GABRR1: variants seen among roughly 807,000 people sequenced by gnomAD.
The protein encoded by GABRR1 is gamma-aminobutyric acid receptor subunit rho-1.
Under a neutral mutation model 55.5 loss-of-function variants are expected in GABRR1, and 59 were observed. That is an observed-to-expected ratio of 1.06 (90% CI 0.86 to 1.32). The LOEUF is 1.32. Among genes scored for constraint, GABRR1 ranks in the 40% most tolerant of loss-of-function variants. GABRR1 has a pLI of 0.00. For missense variants in GABRR1, 602 were observed against 619.1 expected (o/e 0.97, Z 0.29); for synonymous variants, 213 against 226.0 (o/e 0.94, Z 0.51).
intron 5 of GABRR1, among the ~76,000 whole-genome samples, chr6:89,194,551 G>A (rs1772202549): frequency 1.3e-5 from 2 of 152,154 alleles, no homozygotes; most frequent in African/African-American, 2.4e-5. Context: ...ATCCTAACAA[G>A]ACCATGATTT....
chr6:89,221,561 T>A (rs899627960), upstream of GABRR1: 2 of 152,220 alleles, frequency 1.3e-5, no homozygotes, highest in Admixed American at 1.3e-4. Context: ...ATTTAAAGTA[T>A]ACAGGAGAAT....
intron 5 of GABRR1, among the ~76,000 whole-genome samples, chr6:89,191,438 C>T (rs540414798): frequency 6.6e-6 from 1 of 152,302 alleles, no homozygotes; most frequent in African/African-American, 2.4e-5. Context: ...TTCGAGCTAA[C>T]TTTAGAGACA....
At chr6:89,221,036 G>A (rs1365259635), upstream of GABRR1, among the ~76,000 whole-genome samples, 2 of 151,924 alleles carry the variant, frequency 1.3e-5, no homozygotes, top group African/African-American at 4.8e-5. Flanking sequence ...ACTATTTTTT[G>A]ACAAAACTCT....
intron 8 of GABRR1, among the ~76,000 whole-genome samples, chr6:89,181,664 G>C (rs1771723310): frequency 6.6e-6 from 1 of 152,136 alleles, no homozygotes. Context: ...CCTGGAACAC[G>C]GCTTCGACAA....
intron 5 of GABRR1, among the ~76,000 whole-genome samples, chr6:89,191,109 G>A (rs1340561402): frequency 6.6e-6 from 1 of 152,146 alleles, no homozygotes; most frequent in Non-Finnish European, 1.5e-5. Flanking sequence ...TAATTTAAAT[G>A]GAAATTTCAA....
chr6:89,212,527 C>T (rs1772861891), intron 1 of GABRR1, among the ~76,000 whole-genome samples: 1 of 152,168 alleles, frequency 6.6e-6, no homozygotes, highest in Non-Finnish European at 1.5e-5. Context: ...AATGTACTTC[C>T]AGCTTCTGGT....
At chr6:89,192,375 A>T (rs1772126080) in intron 5 of GABRR1, among the ~76,000 whole-genome samples, 1 of 152,120 alleles carries the variant, frequency 6.6e-6, no homozygotes, top group Non-Finnish European at 1.5e-5. Flanking sequence ...CAGAGTGGTC[A>T]GACAGCTCTT....
At chr6:89,183,292 T>C (rs1007647261) in intron 7 of GABRR1, among the ~76,000 whole-genome samples, 4 of 152,174 alleles carry the variant, frequency 2.6e-5, no homozygotes, top group African/African-American at 4.8e-5. Flanking sequence ...ATGCCTCTGG[T>C]TACCAGCAAG....
At chr6:89,179,168 C>G (rs377361716) in intron 9 of GABRR1, 105 bp from the exon 10 acceptor site, 99 of 1,191,940 alleles carry the variant, frequency 8.3e-5, no homozygotes, top group South Asian at 4.1e-4. Context: ...TCTGGTATTC[C>G]CAGTTTGGGA....
chr6:89,189,003 A>G (rs1772000948), intron 6 of GABRR1, among the ~76,000 whole-genome samples: 1 of 151,926 alleles, frequency 6.6e-6, no homozygotes, highest in Non-Finnish European at 1.5e-5. Context: ...GAAGAGCAAT[A>G]AAACACATCA....
In GABRR1 at chr6:89,178,914, C is replaced by G; in HGVS notation, c.1296G>C (p.Glu432Asp). 6.2e-7 allele frequency: 1 copy of G among 1,614,208 alleles called. No individual in the cohort carries two copies. Among genetic ancestry groups the G allele is most frequent in the South Asian group, 1.1e-5 (1 of 91,080 alleles). ...GACTTTTCCTCTGTGGGGAGCTCCT[C>G]TCTGAGGCCAGGGTCAGCTGCACCA... ...RMMVQLTLASERSSPQRKSQR... is the reference protein window; with the variant it reads ...RMMVQLTLASDRSSPQRKSQR... The change falls in exon 10 of 10, where the codon GAG becomes GAC. Residue 432 changes from glutamate (E) to aspartate (D), a missense_variant. Around this residue, in one of 3 missense-constraint regions of GABRR1, gnomAD observed 139 missense variants for 141.1 expected, o/e 0.99. Transcript: ENST00000454853.
chr6:89,211,010 T>C (rs146728610), intron 1 of GABRR1, among the ~76,000 whole-genome samples: 1 of 151,630 alleles, frequency 6.6e-6, no homozygotes, highest in Non-Finnish European at 1.5e-5. Context: ...GTCAGAGAAA[T>C]AAGAAAGAGA....
chr6:89,199,490 A>T, intron 3 of GABRR1, 61 bp from the exon 4 acceptor site: 1 of 1,514,692 alleles, frequency 6.6e-7, no homozygotes, highest in Non-Finnish European at 9.2e-7. Context: ...CTATGGAGGA[A>T]ATAGGCAAAA....
intron 6 of GABRR1, among the ~76,000 whole-genome samples, chr6:89,186,000 G>A (rs1478969314): frequency 2.0e-5 from 3 of 152,160 alleles, no homozygotes; most frequent in South Asian, 4.1e-4. Context: ...GGGTAAAGTC[G>A]AAGTGAATCC....
chr6:89,190,093 T>C, intron 6 of GABRR1, 72 bp downstream of exon 6: 1 of 1,051,550 alleles, frequency 9.5e-7, no homozygotes, highest in Non-Finnish European at 1.4e-6. Context: ...ACACTGTTCC[T>C]GCAGCTGAGA....
Position 89,199,316 on chromosome 6 carries a change from G to A in GABRR1, c.348+46C>T, listed in dbSNP as rs1201756194. 1.9e-6 allele frequency: 3 copies of A among 1,574,140 alleles called. No individual in the cohort carries two copies. In the South Asian group the frequency reaches 3.4e-5, roughly 18 times the overall value. ...GCGTGGAGCTCCTGGCCCTGGACCG[G>A]CTTTGTGAATCCCCCTGCCACGGCC... On this transcript the variant is annotated intron_variant, in intron 4 of 9. Coordinates refer to ENST00000454853, the MANE Select transcript of GABRR1 (RefSeq NM_002042.5).
chr6:89,198,265 G>A, intron 4 of GABRR1, 22 bp from the exon 5 acceptor site: 1 of 1,543,280 alleles, frequency 6.5e-7, no homozygotes. Context: ...AGGGCAGAGA[G>A]GGAACCCCAG....
chr6:89,185,411 T>G lies in GABRR1; in HGVS notation c.695A>C (p.Lys232Thr). 1 of 1,612,386 alleles carries G rather than the reference T, an allele frequency of 6.2e-7. No homozygotes were observed. Among genetic ancestry groups the G allele is most frequent in the Non-Finnish European group, 8.5e-7 (1 of 1,178,534 alleles). ...ATCTGTCTTTAAGGAGTCATTGCCC[T>G]TTTTCCAGTACAGCATGAGGTCATC... ...TEDDLMLYWK[K>T]GNDSLKTDER... Residue 232 changes from lysine to threonine, a missense_variant, in exon 7 of 10, where the codon AAG becomes ACG. Coordinates refer to ENST00000454853, the MANE Select transcript of GABRR1 (RefSeq NM_002042.5).
At chr6:89,209,345 T>C (rs907239757) in intron 1 of GABRR1, among the ~76,000 whole-genome samples, 4 of 152,330 alleles carry the variant, frequency 2.6e-5, no homozygotes, top group Non-Finnish European at 5.9e-5. Flanking sequence ...CCATTTCTTA[T>C]AGAACGTACT....
Sources: allele counts gnomAD v4.1 joint callset (sites outside exome capture counted in the v4.1 genomes callset), GRCh38; gene constraint gnomAD v4.1.1; regional missense constraint gnomAD v4.1.1; transcripts MANE v1.5; gene names NCBI Gene and HGNC (gene_info 2026-07-23, HGNC 2026-07-21).